Variants in GLIS3 observed in about 807,000 individuals in gnomAD.
GLIS3 encodes zinc finger protein GLIS3.
GLIS3 carries 53 observed loss-of-function variants against 78.6 expected under a neutral mutation model. That is an observed-to-expected ratio of 0.67 (90% CI 0.54 to 0.85). The LOEUF is 0.85. GLIS3 is among the 40% of genes least tolerant of loss of function. The pLI is 0.00. For missense variants in GLIS3, 1,703 were observed against 1,231.1 expected, an observed-to-expected ratio of 1.38 and a Z score of -5.74; for synonymous variants, 684 against 509.9, an observed-to-expected ratio of 1.34 and a Z score of -4.60.
At chr9:4,155,853 C>T (rs1379758808) in intron 2 of GLIS3, among the ~76,000 whole-genome samples, 1 of 152,196 alleles carries the variant, frequency 6.6e-6, no homozygotes, top group South Asian at 2.1e-4. Flanking sequence ...GATGCTGATA[C>T]TGATGCTGCA....
intron 2 of GLIS3, among the ~76,000 whole-genome samples, chr9:4,188,246 T>G (rs1464404546): frequency 6.6e-6 from 1 of 151,568 alleles, no homozygotes; most frequent in African/African-American, 2.4e-5. Context: ...CTGCATCTAT[T>G]GAGATAATCA....
intron 2 of GLIS3, among the ~76,000 whole-genome samples, chr9:4,246,716 C>G (rs1237482059): frequency 2.2e-4 from 34 of 152,250 alleles, no homozygotes; most frequent in Non-Finnish European, 4.4e-5. Context: ...CCTTTACCTC[C>G]TATCATTTCC....
rs115468335 is a variant in GLIS3 at position 4,078,915 on chromosome 9, C to A, written c.1710+38853G>T. Among the ~76,000 whole-genome samples the A allele has an allele frequency of 2.6e-3, 401 of 152,276 alleles. 3 individuals are homozygous for A. Among genetic ancestry groups the A allele is most frequent in the African/African-American group, 9.3e-3 (385 of 41,554 alleles). ...CCTCCCCTCTGTCCCCCGCCCCACC[C>A]CACAACATCAGAAAAATGATTAAGC... On this transcript the variant is annotated intron_variant, in intron 4 of 10. Transcript: ENST00000381971.
chr9:3,828,425 G>A lies in GLIS3; in HGVS notation c.2657-17C>T, dbSNP rs746005781. The A allele has an allele frequency of 1.4e-5, 22 of 1,612,048 alleles. No homozygotes were observed. Among genetic ancestry groups the A allele is most frequent in the Middle Eastern group, 2.0e-4 (1 of 4,894 alleles). On this transcript the variant is annotated splice_polypyrimidine_tract_variant and intron_variant, in intron 10 of 10. Transcript: ENST00000381971. Reference sequence around the variant, plus strand: ...AATCATACACTGGAAGAGAAAGAACGCAGTTAAGTCAGTAACTCCTGCCCC... The same window carrying A: ...AATCATACACTGGAAGAGAAAGAACACAGTTAAGTCAGTAACTCCTGCCCC...
At position 3,829,344 on chromosome 9, in the gene GLIS3, G is replaced by C; in HGVS notation, c.2622C>G (p.Phe874Leu). 6.2e-7 allele frequency: 1 copy of C among 1,614,084 alleles called. No individual in the cohort carries two copies. The highest frequency in any genetic ancestry group is 8.5e-7 in the Non-Finnish European group (1 of 1,179,988). ...CCGAGTGAGTCGAGAAGGCTCTGTG[G>C]AAAACATCAAAACTGGCCTGGCCCA... ...TSMGQASFDVFHRAFSTHSGI... is the reference protein window; with the variant it reads ...TSMGQASFDVLHRAFSTHSGI... The change falls in exon 10 of 11, where the codon TTC becomes TTG. Residue 874 changes from phenylalanine to leucine, a missense_variant. By Grantham distance (22) the Phe-to-Leu change is conservative. Transcript: ENST00000381971.
chr9:3,888,192 C>A (rs1025053602), intron 7 of GLIS3, among the ~76,000 whole-genome samples: 2 of 152,088 alleles, frequency 1.3e-5, no homozygotes, highest in African/African-American at 4.8e-5. Context: ...ACAGAAAGAT[C>A]CCTCACCTTT....
the GLIS3 span, among the ~76,000 whole-genome samples, chr9:4,360,440 T>C: frequency 6.6e-6 from 1 of 152,186 alleles, no homozygotes; most frequent in African/African-American, 2.4e-5. Flanking sequence ...CCAGTAATGC[T>C]AATACAAATA....
chr9:4,410,442 A>C, the GLIS3 span, among the ~76,000 whole-genome samples: 1 of 152,206 alleles, frequency 6.6e-6, no homozygotes, highest in African/African-American at 2.4e-5. Flanking sequence ...TGAAAGTAAA[A>C]TATTAGGATT....
chr9:4,267,538 T>G (rs1405948913), intron 2 of GLIS3, among the ~76,000 whole-genome samples: 1 of 152,222 alleles, frequency 6.6e-6, no homozygotes, highest in East Asian at 1.9e-4. Context: ...TTTAATCTCT[T>G]TGTCCTTGAC....
chr9:4,048,091 C>G (rs775119177), intron 4 of GLIS3, among the ~76,000 whole-genome samples: 1 of 152,202 alleles, frequency 6.6e-6, no homozygotes, highest in Non-Finnish European at 1.5e-5. Flanking sequence ...CTAAATAAAA[C>G]TGGCATTTTG....
At position 3,910,637 on chromosome 9, in the gene GLIS3, C is replaced by G. The variant is rs552175237; in HGVS notation, c.1984-11802G>C. On this transcript the variant is annotated intron_variant, in intron 6 of 10. Coordinates refer to ENST00000381971, the MANE Select transcript of GLIS3 (RefSeq NM_001042413.2). ...AGGTGCTGAGATTACAGAGGCAGGCCAAGTTTTTTATACAGGTAAGAGGAC... is the reference window on the plus strand; with the variant it reads ...AGGTGCTGAGATTACAGAGGCAGGCGAAGTTTTTTATACAGGTAAGAGGAC... 7.9e-5 allele frequency among the ~76,000 whole-genome samples: 12 copies of G among 152,300 alleles called. No individual in the cohort carries two copies. The South Asian group carries it at 2.3e-3, about 29-fold the overall frequency.
At chr9:3,890,517 G>A (rs1216288777) in intron 7 of GLIS3, among the ~76,000 whole-genome samples, 1 of 152,078 alleles carries the variant, frequency 6.6e-6, no homozygotes, top group Admixed American at 6.6e-5. Context: ...GAAAAAAAGA[G>A]AAAAGAACAT....
chr9:4,430,782 G>A, the GLIS3 span, among the ~76,000 whole-genome samples: 1 of 152,158 alleles, frequency 6.6e-6, no homozygotes, highest in Non-Finnish European at 1.5e-5. Flanking sequence ...GATAAATGCT[G>A]TTAACTTAAT....
chr9:4,148,414 A>G (rs1373310223), intron 2 of GLIS3, among the ~76,000 whole-genome samples: 6 of 152,032 alleles, frequency 3.9e-5, no homozygotes, highest in Non-Finnish European at 8.8e-5. Flanking sequence ...CTCAAATGCT[A>G]CCTCCTCCTT....
intron 4 of GLIS3, among the ~76,000 whole-genome samples, chr9:3,991,683 ATTTTTTTT>A (rs59495657): frequency 7.3e-4 from 64 of 87,904 alleles, no homozygotes; most frequent in African/African-American, 2.6e-3. Context: ...AAGTAGGCTG[ATTTTTTTT>A]TTTTTTTTTT....
chr9:4,221,828 C>T (rs564275590), intron 2 of GLIS3, among the ~76,000 whole-genome samples: 48 of 152,328 alleles, frequency 3.2e-4, no homozygotes, highest in Non-Finnish European at 3.8e-4. Context: ...AAAAATCTTG[C>T]CTTTCAGGCC....
intron 3 of GLIS3, among the ~76,000 whole-genome samples, chr9:4,310,210 G>T (rs1424183385): frequency 6.6e-6 from 1 of 152,112 alleles, no homozygotes. Flanking sequence ...TCTAGCTATG[G>T]GCAAGGGGTA....
At chr9:4,142,445 A>T (rs1309958583) in intron 2 of GLIS3, among the ~76,000 whole-genome samples, 1 of 152,198 alleles carries the variant, frequency 6.6e-6, no homozygotes, top group Admixed American at 6.5e-5. Context: ...AATTAAGTAG[A>T]GGCCTTAGCT....
chr9:4,067,992 T>G (rs545939801), intron 4 of GLIS3, among the ~76,000 whole-genome samples: 1 of 152,096 alleles, frequency 6.6e-6, no homozygotes, highest in East Asian at 1.9e-4. Flanking sequence ...CCTCAGAATA[T>G]ATAAAGTCAG....
Sources: gnomAD v4.1 joint callset for allele counts (sites outside exome capture counted in the v4.1 genomes callset) on GRCh38, gnomAD v4.1.1 for gene constraint, MANE v1.5 for transcripts, NCBI Gene and HGNC (gene_info 2026-07-23, HGNC 2026-07-21) for gene names.